KAZN: variants seen among roughly 807,000 people sequenced by gnomAD.
The protein encoded by KAZN is kazrin.
Under a neutral mutation model 87.4 loss-of-function variants are expected in KAZN, and 40 were observed. That is an observed-to-expected ratio of 0.46 (90% CI 0.36 to 0.60). The LOEUF is 0.60. Among genes scored for constraint, KAZN ranks in the 20% least tolerant of loss-of-function variants. KAZN has a pLI of 0.00. For synonymous variants in KAZN, 466 were observed against 458.3 expected (o/e 1.02, Z -0.22); for missense variants, 898 against 1,073.9 (o/e 0.84, Z 2.29).
chr1:14,102,342 C>T (rs1310198981), intron 1 of KAZN, among the ~76,000 whole-genome samples: 1 of 152,210 alleles, frequency 6.6e-6, no homozygotes, highest in Non-Finnish European at 1.5e-5. Context: ...AGTTCCCGCT[C>T]GCTGAGCACC....
intron 2 of KAZN, among the ~76,000 whole-genome samples, chr1:14,295,534 T>C (rs530260410): frequency 2.0e-5 from 3 of 151,896 alleles, no homozygotes; most frequent in South Asian, 2.1e-4. Context: ...CACAGAGGCA[T>C]ATACACACAC....
chr1:13,993,646 G>A (rs769160836), intron 1 of KAZN, among the ~76,000 whole-genome samples: 11 of 152,222 alleles, frequency 7.2e-5, no homozygotes, highest in East Asian at 1.9e-4. Context: ...CCCAGCCTTC[G>A]TGGAGCTTTC....
intron 2 of KAZN, among the ~76,000 whole-genome samples, chr1:14,219,192 G>C (rs1647036441): frequency 6.6e-6 from 1 of 152,102 alleles, no homozygotes; most frequent in East Asian, 1.9e-4. Context: ...GAAATATAGG[G>C]ATGTATAATC....
intron 2 of KAZN, among the ~76,000 whole-genome samples, chr1:14,551,372 T>A (rs114761518): frequency 6.6e-6 from 1 of 152,160 alleles, no homozygotes; most frequent in Non-Finnish European, 1.5e-5. Context: ...CTCTCTAGAA[T>A]GGGAAGAACC....
chr1:14,988,575 A>G (rs16851100), intron 2 of KAZN, among the ~76,000 whole-genome samples: 3,889 of 152,174 alleles, frequency 0.026, 159 homozygotes, highest in African/African-American at 0.089. Flanking sequence ...AAAGCCAGTA[A>G]CCCCGGGGTA....
intron 2 of KAZN, among the ~76,000 whole-genome samples, chr1:14,272,177 T>G (rs1651997898): frequency 6.6e-6 from 1 of 152,192 alleles, no homozygotes; most frequent in Non-Finnish European, 1.5e-5. Flanking sequence ...TCATTTGTTC[T>G]CATGAATCTA....
chr1:14,087,086 G>A (rs144698322), intron 1 of KAZN, among the ~76,000 whole-genome samples: 663 of 152,216 alleles, frequency 4.4e-3, no homozygotes, highest in African/African-American at 0.015. Context: ...GAGAACGGAC[G>A]TCACCATCAT....
At chr1:14,546,284 G>T (rs946624001) in intron 2 of KAZN, among the ~76,000 whole-genome samples, 1 of 152,148 alleles carries the variant, frequency 6.6e-6, no homozygotes, top group African/African-American at 2.4e-5. Flanking sequence ...TTTCAGTCGG[G>T]TTGTATGACA....
intron 1 of KAZN, among the ~76,000 whole-genome samples, chr1:14,946,767 G>T (rs79454830): frequency 6.6e-6 from 1 of 152,088 alleles, no homozygotes; most frequent in Non-Finnish European, 1.5e-5. Context: ...CATTTAACCC[G>T]AGTTGAAATC....
intron 1 of KAZN, among the ~76,000 whole-genome samples, chr1:14,838,911 C>T (rs1647607136): frequency 6.6e-6 from 1 of 152,260 alleles, no homozygotes; most frequent in Middle Eastern, 3.4e-3. Flanking sequence ...TGTGAGCCAC[C>T]GCACCTGGCC....
In KAZN at chr1:15,021,146, G is replaced by T. The variant is rs1347308702; in HGVS notation, c.419-13603G>T. 6.6e-6 allele frequency among the ~76,000 whole-genome samples: 1 copy of T among 152,100 alleles called. No homozygotes were observed. Among genetic ancestry groups the T allele is most frequent in the Non-Finnish European group, 1.5e-5 (1 of 68,030 alleles). On this transcript the variant is annotated intron_variant, in intron 2 of 14. Transcript: ENST00000376030. This position sits in a 1 kb window ranked among gnomAD's most constrained non-coding sequence, Gnocchi z 4.2. ...GTTCCCAAGGCCACACAGCATGCGG[G>T]TTTGCACCCCAGTGTCCTGCCTCCC... is the stretch of plus-strand genomic sequence containing the variant.
At chr1:15,080,321 C>T (rs950879569) in intron 8 of KAZN, among the ~76,000 whole-genome samples, 11 of 152,164 alleles carry the variant, frequency 7.2e-5, no homozygotes, top group Admixed American at 3.3e-4. Context: ...AATAGGGACA[C>T]GTTGGGGTGG....
chr1:13,995,399 T>C (rs944637565), intron 1 of KAZN, among the ~76,000 whole-genome samples: 1 of 152,150 alleles, frequency 6.6e-6, no homozygotes, highest in Non-Finnish European at 1.5e-5. Context: ...TTTTATATGC[T>C]AGCAGCAATA....
chr1:14,833,803 G>T (rs965399838), intron 1 of KAZN, among the ~76,000 whole-genome samples: 6 of 152,176 alleles, frequency 3.9e-5, no homozygotes, highest in African/African-American at 1.4e-4. Flanking sequence ...CCGCTCCAAG[G>T]CTCTGATGAC....
intron 1 of KAZN, among the ~76,000 whole-genome samples, chr1:14,008,996 G>A (rs150530116): frequency 0.011 from 1,637 of 152,132 alleles, 19 homozygotes; most frequent in Non-Finnish European, 0.014. Context: ...GGCGACTACC[G>A]TTCTATTTTC....
intron 1 of KAZN, among the ~76,000 whole-genome samples, chr1:14,797,891 C>T (rs1224220850): frequency 6.6e-6 from 1 of 152,140 alleles, no homozygotes; most frequent in Non-Finnish European, 1.5e-5. Context: ...TTAAAAGATG[C>T]CAGCTCTCAT....
chr1:15,035,735 G>C (rs1236333746), intron 3 of KAZN, among the ~76,000 whole-genome samples: 1 of 152,134 alleles, frequency 6.6e-6, no homozygotes, highest in Admixed American at 6.6e-5. Context: ...AGCTACTCAG[G>C]AGGCTGAGGC....
intron 2 of KAZN, among the ~76,000 whole-genome samples, chr1:14,516,552 T>C (rs1391819997): frequency 6.6e-6 from 1 of 152,250 alleles, no homozygotes; most frequent in Non-Finnish European, 1.5e-5. Flanking sequence ...AGTTCTCTTC[T>C]GCGAGAAACA....
chr1:13,999,227 T>C (rs1418767803), intron 1 of KAZN, among the ~76,000 whole-genome samples: 1 of 152,122 alleles, frequency 6.6e-6, no homozygotes, highest in Non-Finnish European at 1.5e-5. Flanking sequence ...TGTGCACCTG[T>C]AATCTCAGCA....
Sources: allele counts gnomAD v4.1 joint callset (sites outside exome capture counted in the v4.1 genomes callset), GRCh38; gene constraint gnomAD v4.1.1; non-coding constraint Gnocchi (gnomAD v3.1); transcripts MANE v1.5; gene names NCBI Gene and HGNC (gene_info 2026-07-23, HGNC 2026-07-21).